XPR1: variants seen among roughly 807,000 people sequenced by gnomAD.
XPR1 encodes the protein xenotropic and polytropic retrovirus receptor 1.
A neutral mutation model predicts 87.5 loss-of-function variants in XPR1; 28 were observed. The ratio of observed to expected loss-of-function variants is 0.32; its 90% CI spans 0.24 to 0.44. The LOEUF is 0.44. Ranked by LOEUF, XPR1 falls within the 20% of genes least tolerant of loss-of-function variation. The pLI, the probability that XPR1 is intolerant of heterozygous loss-of-function variation, is 1.00. For missense variants in XPR1, 559 were observed against 862.3 expected (o/e 0.65, Z 4.41); for synonymous variants, 300 against 306.1 (o/e 0.98, Z 0.21).
At chr1:180,827,634 C>T (rs1220714868) in intron 9 of XPR1, among the ~76,000 whole-genome samples, 2 of 151,890 alleles carry the variant, frequency 1.3e-5, no homozygotes, top group South Asian at 4.2e-4. Flanking sequence ...TAATTTCCTT[C>T]TATATTTGTG....
chr1:180,651,094 TTTGGAATCCA>T (rs1437995366), intron 1 of XPR1, among the ~76,000 whole-genome samples: 2 of 151,764 alleles, frequency 1.3e-5, no homozygotes, highest in Non-Finnish European at 2.9e-5. Flanking sequence ...TAGCTGGACA[TTTGGAATCCA>T]TTTCTTTTTT....
chr1:180,794,148 A>G (rs532192822), intron 3 of XPR1, among the ~76,000 whole-genome samples: 23 of 152,378 alleles, frequency 1.5e-4, no homozygotes, highest in Non-Finnish European at 2.9e-4. Context: ...GTACTTACAC[A>G]AACCTAGATG....
intron 11 of XPR1, among the ~76,000 whole-genome samples, chr1:180,847,961 T>C (rs1436460888): frequency 1.3e-5 from 2 of 152,156 alleles, no homozygotes; most frequent in Non-Finnish European, 2.9e-5. Flanking sequence ...AGCATCTTAT[T>C]TCTCTTTACA....
intron 2 of XPR1, among the ~76,000 whole-genome samples, chr1:180,694,857 T>G (rs1024126556): frequency 6.6e-6 from 1 of 152,108 alleles, no homozygotes; most frequent in African/African-American, 2.4e-5. Flanking sequence ...CTATTGTGAA[T>G]AGTGCTGCAA....
At chr1:180,654,968 A>C (rs556538335) in intron 1 of XPR1, among the ~76,000 whole-genome samples, 2 of 152,196 alleles carry the variant, frequency 1.3e-5, no homozygotes, top group Non-Finnish European at 2.9e-5. Flanking sequence ...TCTTATAAAA[A>C]ATCAAAATCT....
intron 7 of XPR1, among the ~76,000 whole-genome samples, chr1:180,817,322 G>A (rs1650445177): frequency 6.6e-6 from 1 of 152,068 alleles, no homozygotes; most frequent in African/African-American, 2.4e-5. Context: ...TATAAATTCA[G>A]TGTAGCCTAA....
chr1:180,718,555 A>G (rs949826980), intron 2 of XPR1, among the ~76,000 whole-genome samples: 15 of 152,190 alleles, frequency 9.9e-5, no homozygotes, highest in African/African-American at 3.6e-4. Context: ...TCAGTGATTC[A>G]TAACTGTGGT....
chr1:180,739,748 A>AT lies in XPR1; in HGVS notation c.122-47996dup, dbSNP rs200196444. On this transcript the variant is annotated intron_variant, in intron 2 of 14. Transcript: ENST00000367590. Reference sequence around the variant, plus strand: ...TTGCCAGTGTATAAAATTATGATTGATTTTTTTTTCCAGACAGGGTCTCAC... The same window carrying AT: ...TTGCCAGTGTATAAAATTATGATTGATTTTTTTTTTCCAGACAGGGTCTCAC... Among the ~76,000 whole-genome samples the AT allele has an allele frequency of 6.2e-3, 939 of 151,538 alleles. 5 individuals are homozygous for AT. The highest frequency in any genetic ancestry group is 7.4e-3 in the African/African-American group (307 of 41,308).
Position 180,713,655 on chromosome 1 carries a change from A to G in XPR1, c.121+31244A>G, listed in dbSNP as rs12025874. Among the ~76,000 whole-genome samples the G allele has an allele frequency of 6.6e-5, 10 of 152,222 alleles. No individual in the cohort carries two copies. The East Asian group carries it at 1.7e-3, about 26-fold the overall frequency. Reference sequence around the variant, plus strand: ...GATGATCATATAGCTTTTCTCTTTTAGTTTGTTAATGTGGCGAATTACATT... The same window carrying G: ...GATGATCATATAGCTTTTCTCTTTTGGTTTGTTAATGTGGCGAATTACATT... On this transcript the variant is annotated intron_variant, in intron 2 of 14. Coordinates refer to ENST00000367590, the MANE Select transcript of XPR1 (RefSeq NM_004736.4).
chr1:180,671,034 G>C (rs1656152228), intron 1 of XPR1, among the ~76,000 whole-genome samples: 1 of 152,186 alleles, frequency 6.6e-6, no homozygotes, highest in African/African-American at 2.4e-5. Flanking sequence ...AAAGATAGAA[G>C]AAATACTGAG....
At chr1:180,818,882 A>G (rs962241068) in intron 7 of XPR1, among the ~76,000 whole-genome samples, 6 of 152,182 alleles carry the variant, frequency 3.9e-5, no homozygotes, top group Admixed American at 6.6e-5. Context: ...TTTATGTGCA[A>G]TTGAAAGTTT....
chr1:180,787,506 TG>T (rs1649198777), intron 2 of XPR1, among the ~76,000 whole-genome samples: 1 of 152,170 alleles, frequency 6.6e-6, no homozygotes, highest in Non-Finnish European at 1.5e-5. Flanking sequence ...CTTGAACTCC[TG>T]ACTTCAAGTG....
chr1:180,859,058 T>G (rs1211736144), intron 11 of XPR1, among the ~76,000 whole-genome samples: 1 of 294 alleles, frequency 3.4e-3, no homozygotes, highest in Non-Finnish European at 6.8e-3. Flanking sequence ...CTTATTTTAT[T>G]TCAAACCAGT....
intron 5 of XPR1, 94 bp from the exon 6 acceptor site, chr1:180,806,380 G>A (rs1029969684): frequency 3.4e-6 from 5 of 1,478,826 alleles, no homozygotes; most frequent in South Asian, 2.5e-5. Context: ...CCAAAAAGTT[G>A]TCAGAATATA....
chr1:180,686,884 G>A (rs1307614026), intron 2 of XPR1, among the ~76,000 whole-genome samples: 1 of 152,036 alleles, frequency 6.6e-6, no homozygotes, highest in South Asian at 2.1e-4. Context: ...AATTAAAAAT[G>A]TATTTCCTCT....
At chr1:180,668,303 G>C (rs999210071) in intron 1 of XPR1, among the ~76,000 whole-genome samples, 2 of 151,258 alleles carry the variant, frequency 1.3e-5, no homozygotes, top group African/African-American at 4.9e-5. Flanking sequence ...TAATTTGTGG[G>C]CTTTTAGTAG....
At chr1:180,643,202 G>A (rs774480448) in intron 1 of XPR1, among the ~76,000 whole-genome samples, 1 of 152,168 alleles carries the variant, frequency 6.6e-6, no homozygotes, top group Non-Finnish European at 1.5e-5. Context: ...GAGAGTGCAA[G>A]ACCAAAGACA....
intron 1 of XPR1, among the ~76,000 whole-genome samples, chr1:180,642,299 AAG>A (rs1654986088): frequency 6.6e-6 from 1 of 152,178 alleles, no homozygotes; most frequent in Non-Finnish European, 1.5e-5. Flanking sequence ...CCTGTACATG[AAG>A]AGTGTATCCT....
At chr1:180,682,310 T>C (rs1221125397) in intron 1 of XPR1, 50 bp from the exon 2 acceptor site, 2 of 1,470,888 alleles carry the variant, frequency 1.4e-6, no homozygotes, top group Admixed American at 3.8e-5. Flanking sequence ...ATACATTCAG[T>C]ATAAAGCTTA....
Sources: gnomAD v4.1 joint callset for allele counts (sites outside exome capture counted in the v4.1 genomes callset) on GRCh38, gnomAD v4.1.1 for gene constraint, MANE v1.5 for transcripts, NCBI Gene and HGNC (gene_info 2026-07-23, HGNC 2026-07-21) for gene names.